The following TF variants were observed in gnomAD, a reference collection of about 807,000 sequenced individuals.
The protein encoded by TF is serotransferrin.
A neutral mutation model predicts 82.4 loss-of-function variants in TF; 55 were observed. The ratio of observed to expected loss-of-function variants is 0.67; its 90% confidence interval spans 0.54 to 0.84. The LOEUF (loss-of-function observed/expected upper bound fraction) is 0.84. Among genes scored for constraint, TF ranks in the 40% least tolerant of loss-of-function variants. The probability of loss-of-function intolerance (pLI) is 0.00; values close to 1 mark genes in which losing one functional copy is unlikely to be tolerated. For missense variants in TF, 737 were observed against 868.4 expected, an observed-to-expected ratio of 0.85 and a Z score of 1.90; for synonymous variants, 332 against 332.6, an observed-to-expected ratio of 1.00 and a Z score of 0.02.
In TF at chr3:133,792,266, C is replaced by T. The variant is rs945256887; in HGVS notation, c.*13646C>T. On this transcript the variant is annotated 3_prime_UTR_variant, in exon 17 of 17. Coordinates refer to ENST00000402696, the MANE Select transcript of TF (RefSeq NM_001063.4). ...AATTCGTGTCCTAAAGTAAAATAAG[C>T]GGTTGTTAAAAAAGAGGGATGTTTA... is the stretch of plus-strand genomic sequence containing the variant. The T allele has an allele frequency of 1.8e-4, 27 of 151,962 alleles. No individual in the cohort carries two copies. Among genetic ancestry groups the T allele is most frequent in the African/African-American group, 2.4e-5 (1 of 41,364 alleles). 9.4% of individuals were successfully genotyped at this position (151,962 alleles called of 1,614,324 possible).
intron 1 of TF, 166 bp from the exon 2 acceptor site, chr3:133,748,246 C>G (rs1933559496): frequency 3.3e-6 from 3 of 904,916 alleles, no homozygotes; most frequent in Non-Finnish European, 5.2e-6. Flanking sequence ...CTTCTATTGG[C>G]TCAGACTCAG....
At chr3:133,775,217 G>A (rs1363974531) in intron 14 of TF, 4 of 610,876 alleles carry the variant, frequency 6.5e-6, no homozygotes, top group Non-Finnish European at 1.2e-5. Context: ...AGGTTGGAAG[G>A]GGATGGTCAA....
chr3:133,665,818 G>A, the TF span, among the ~76,000 whole-genome samples: 2 of 151,472 alleles, frequency 1.3e-5, no homozygotes, highest in Non-Finnish European at 2.9e-5. Context: ...GGTGGCAGGC[G>A]CCTGTACTCG....
upstream of TF, among the ~76,000 whole-genome samples, chr3:133,743,891 A>G (rs1933440875): frequency 6.6e-6 from 1 of 152,150 alleles, no homozygotes; most frequent in South Asian, 2.1e-4. Context: ...ACACATGTAC[A>G]CCCCAAAGCT....
the TF span, among the ~76,000 whole-genome samples, chr3:133,700,453 T>C: frequency 2.6e-5 from 4 of 152,234 alleles, no homozygotes; most frequent in Non-Finnish European, 4.4e-5. Context: ...CAGCTGGTCC[T>C]TCAGTGGCAG....
At position 133,779,034 on chromosome 3, in the gene TF, G is replaced by A; in HGVS notation, c.*414G>A. On this transcript the variant is annotated 3_prime_UTR_variant, in exon 17 of 17. Coordinates refer to ENST00000402696, the MANE Select transcript of TF (RefSeq NM_001063.4). ...CTGGTGTGTGTGTGCACGTGCGCGTGCGTGTGTCATGCTAAGGAAGGGGCA... is the reference window on the plus strand; with the variant it reads ...CTGGTGTGTGTGTGCACGTGCGCGTACGTGTGTCATGCTAAGGAAGGGGCA... 1 of 216,238 alleles carries A rather than the reference G, an allele frequency of 4.6e-6. No individual in the cohort carries two copies. Among genetic ancestry groups the A allele is most frequent in the Non-Finnish European group, 9.3e-6 (1 of 107,432 alleles). 13.4% of individuals were successfully genotyped at this position (216,238 alleles called of 1,614,324 possible).
chr3:133,738,968 A>G, the TF span, among the ~76,000 whole-genome samples: 10 of 152,348 alleles, frequency 6.6e-5, no homozygotes, highest in African/African-American at 2.4e-4. Context: ...AACTACTTTA[A>G]ATTTCATATG....
chr3:133,735,712 G>A, the TF span, among the ~76,000 whole-genome samples: 13 of 152,160 alleles, frequency 8.5e-5, no homozygotes, highest in Non-Finnish European at 1.5e-5. Flanking sequence ...ATCAGAGATT[G>A]AAGATCAACT....
the TF span, among the ~76,000 whole-genome samples, chr3:133,733,874 A>AC: frequency 3.3e-5 from 5 of 151,126 alleles, no homozygotes; most frequent in Middle Eastern, 3.2e-3. Context: ...AAACAAAAAA[A>AC]AAAAAAACAT....
the TF span, among the ~76,000 whole-genome samples, chr3:133,682,411 G>A: frequency 3.9e-5 from 6 of 152,190 alleles, no homozygotes; most frequent in Admixed American, 6.5e-5. Context: ...AAACTTCTCC[G>A]AGCTAAAGAA....
At chr3:133,720,160 C>T in the TF span, among the ~76,000 whole-genome samples, 1 of 152,104 alleles carries the variant, frequency 6.6e-6, no homozygotes, top group African/African-American at 2.4e-5. Flanking sequence ...TGAAAGTGAG[C>T]ATCCTTGATC....
At chr3:133,766,137 C>CAG (rs1934120565) in intron 11 of TF, 141 bp from the exon 12 acceptor site, 1 of 834,810 alleles carries the variant, frequency 1.2e-6, no homozygotes, top group East Asian at 2.4e-5. Flanking sequence ...TACTTCCCCT[C>CAG]AGTCAGATAC....
At chr3:133,676,352 C>T in the TF span, among the ~76,000 whole-genome samples, 6 of 152,210 alleles carry the variant, frequency 3.9e-5, no homozygotes, top group Non-Finnish European at 5.9e-5. Context: ...AAAATCTGCA[C>T]ATAAATGCAA....
chr3:133,775,055 A>G, intron 14 of TF: 3 of 341,030 alleles, frequency 8.8e-6, no homozygotes, highest in South Asian at 7.7e-5. Flanking sequence ...GCCATGTGTT[A>G]CAGCACAGAA....
At chr3:133,759,630 G>A (rs1009595778) in intron 9 of TF, among the ~76,000 whole-genome samples, 3 of 152,156 alleles carry the variant, frequency 2.0e-5, no homozygotes, top group Admixed American at 1.3e-4. Flanking sequence ...GGTGTGCCAC[G>A]ATCACTGAGA....
At position 133,753,937 on chromosome 3, in the gene TF, C is replaced by T. The variant is rs920648935; in HGVS notation, c.325+234C>T. ...CTGAGCCCTGGGCCAGGGGCATATG[C>T]TTATCAGAGAAACACAGCAGGCTGT... On this transcript the variant is annotated intron_variant, in intron 3 of 16. Transcript: ENST00000402696. The T allele has an allele frequency of 9.9e-6, 6 of 606,710 alleles. No homozygotes were observed. The African/African-American group carries it at 1.1e-4, about 11-fold the overall frequency. 37.6% of individuals were successfully genotyped at this position (606,710 alleles called of 1,614,324 possible). A position where few individuals can be genotyped will look rare whatever the true frequency, so the allele number is the denominator to read the frequency against.
the TF span, among the ~76,000 whole-genome samples, chr3:133,690,910 T>C: frequency 6.6e-6 from 1 of 152,224 alleles, no homozygotes; most frequent in African/African-American, 2.4e-5. Context: ...TTTACCTGTA[T>C]ACTAAATCTC....
chr3:133,675,636 A>C, the TF span, among the ~76,000 whole-genome samples: 1 of 152,216 alleles, frequency 6.6e-6, no homozygotes, highest in Non-Finnish European at 1.5e-5. Context: ...AGGTAAAATT[A>C]GCCTTCGAGT....
chr3:133,753,568 A>C (rs199807466), intron 2 of TF, 27 bp from the exon 3 acceptor site: 1 of 1,605,590 alleles, frequency 6.2e-7, no homozygotes. Flanking sequence ...TCAAGGCTTC[A>C]TCCAGGACTG....
Sources: allele counts gnomAD v4.1 joint callset (sites outside exome capture counted in the v4.1 genomes callset), GRCh38; gene constraint gnomAD v4.1.1; transcripts MANE v1.5; gene names NCBI Gene and HGNC (gene_info 2026-07-23, HGNC 2026-07-21).